The following MAGI2 variants were observed in gnomAD, a reference collection of about 807,000 sequenced individuals.
The protein encoded by MAGI2 is membrane associated guanylate kinase, WW and PDZ domain containing 2.
In MAGI2, 35 loss-of-function variants were observed where a neutral mutation model predicts 133.3. The ratio of observed to expected loss-of-function variants is 0.26; its 90% confidence interval spans 0.20 to 0.35. MAGI2 has a LOEUF of 0.35. MAGI2 is among the 10% of genes least tolerant of loss of function. The probability of loss-of-function intolerance (pLI) is 1.00; values close to 1 mark genes in which losing one functional copy is unlikely to be tolerated. For synonymous variants in MAGI2, 729 were observed against 710.6 expected (o/e 1.03, Z -0.41); for missense variants, 1,636 against 1,863.4 (o/e 0.88, Z 2.25).
At chr7:78,755,756 G>C (rs1823882594) in intron 2 of MAGI2, among the ~76,000 whole-genome samples, 1 of 152,136 alleles carries the variant, frequency 6.6e-6, no homozygotes, top group African/African-American at 2.4e-5. Context: ...TGTAAAATTT[G>C]GAAGTATAGC....
At chr7:78,450,069 T>G (rs910671111) in intron 6 of MAGI2, among the ~76,000 whole-genome samples, 1 of 152,098 alleles carries the variant, frequency 6.6e-6, no homozygotes, top group Non-Finnish European at 1.5e-5. Context: ...AATGGAATTT[T>G]TTTTTTAAAA....
At chr7:78,514,936 T>TAC (rs1245317825) in intron 4 of MAGI2, among the ~76,000 whole-genome samples, 1 of 152,216 alleles carries the variant, frequency 6.6e-6, no homozygotes, top group Non-Finnish European at 1.5e-5. Context: ...CAGCTCTGTG[T>TAC]ACACATACTG....
chr7:78,903,311 A>C (rs978369935), intron 2 of MAGI2, among the ~76,000 whole-genome samples: 4 of 149,282 alleles, frequency 2.7e-5, no homozygotes, highest in African/African-American at 9.9e-5. Flanking sequence ...CTCCTGCCTC[A>C]GCCTCCCAGG....
intron 1 of MAGI2, among the ~76,000 whole-genome samples, chr7:79,130,077 G>T (rs967436762): frequency 4.6e-5 from 7 of 150,724 alleles, no homozygotes; most frequent in Non-Finnish European, 8.8e-5. Flanking sequence ...AAGATGCGAG[G>T]ATCAGTTGAA....
At chr7:78,917,760 C>T (rs1798914256) in intron 2 of MAGI2, among the ~76,000 whole-genome samples, 1 of 152,074 alleles carries the variant, frequency 6.6e-6, no homozygotes, top group Non-Finnish European at 1.5e-5. Context: ...CTCACAACCT[C>T]CTCCTCAGAT....
In MAGI2 at chr7:78,071,259, G is replaced by A. The variant is rs113399195; in HGVS notation, c.3706+7688C>T. 1.5e-3 allele frequency among the ~76,000 whole-genome samples: 233 copies of A among 151,808 alleles called. 1 individual carries two copies. The highest frequency in any genetic ancestry group is 5.6e-3 in the African/African-American group (230 of 41,400). ...TGTTCTTTAAGAAAGCCCCTGGCTG[G>A]GCCTGGTGGCTCATGCCTGTAATCC... On this transcript the variant is annotated intron_variant, in intron 21 of 21. Coordinates refer to ENST00000354212, the MANE Select transcript of MAGI2 (RefSeq NM_012301.4).
intron 1 of MAGI2, among the ~76,000 whole-genome samples, chr7:79,261,215 A>G (rs991818911): frequency 6.6e-6 from 1 of 152,208 alleles, no homozygotes; most frequent in African/African-American, 2.4e-5. Context: ...CCCAATAGCT[A>G]TTAGACTCTC....
intron 2 of MAGI2, among the ~76,000 whole-genome samples, chr7:78,659,006 A>G (rs1423817691): frequency 6.6e-6 from 1 of 152,112 alleles, no homozygotes; most frequent in Non-Finnish European, 1.5e-5. Context: ...TCACACAAAA[A>G]CCTGCACATG....
In MAGI2 at chr7:78,766,727, G is replaced by A. The variant is rs144819587; in HGVS notation, c.419-139488C>T. ...CACTTTTTATATCATCACACTTATT[G>A]AATTTGATGTATTCTTAGTGTGCCT... On this transcript the variant is annotated intron_variant, in intron 2 of 21. Transcript: ENST00000354212. Among the ~76,000 whole-genome samples the A allele has an allele frequency of 3.5e-3, 527 of 152,280 alleles. 1 individual carries two copies. Among genetic ancestry groups the A allele is most frequent in the Middle Eastern group, 0.014 (4 of 294 alleles).
chr7:78,770,317 A>G (rs1024551945), intron 2 of MAGI2, among the ~76,000 whole-genome samples: 3 of 152,204 alleles, frequency 2.0e-5, no homozygotes, highest in African/African-American at 4.8e-5. Flanking sequence ...TTCGGCTCCA[A>G]TAGGAGGTAA....
intron 10 of MAGI2, among the ~76,000 whole-genome samples, chr7:78,248,188 G>T (rs925453512): frequency 3.9e-5 from 6 of 152,192 alleles, no homozygotes; most frequent in Non-Finnish European, 8.8e-5. Flanking sequence ...AGTGCTGAAA[G>T]TCTTTCCTGA....
chr7:78,260,556 T>G (rs1335870224), intron 9 of MAGI2, among the ~76,000 whole-genome samples: 1 of 152,166 alleles, frequency 6.6e-6, no homozygotes, highest in Non-Finnish European at 1.5e-5. Context: ...TTTTATCAAA[T>G]TTTTTCTCCA....
intron 9 of MAGI2, among the ~76,000 whole-genome samples, chr7:78,258,300 T>C (rs374792950): frequency 1.1e-4 from 16 of 152,348 alleles, no homozygotes; most frequent in African/African-American, 3.8e-4. Flanking sequence ...CGTTTTTAAT[T>C]GATTCCATTC....
intron 2 of MAGI2, among the ~76,000 whole-genome samples, chr7:78,733,134 G>T (rs978285781): frequency 1.3e-5 from 2 of 152,122 alleles, no homozygotes; most frequent in Non-Finnish European, 2.9e-5. Context: ...TACATGTGAG[G>T]TTCATGAGGA....
intron 3 of MAGI2, chr7:78,567,840 A>C (rs144253740): frequency 7.0e-4 from 106 of 152,328 alleles, no homozygotes; most frequent in African/African-American, 2.5e-3. Flanking sequence ...AAAACTCCCT[A>C]TGGGAAGTCC....
chr7:78,567,514 A>G (rs981310178), intron 3 of MAGI2, among the ~76,000 whole-genome samples: 13 of 152,310 alleles, frequency 8.5e-5, no homozygotes, highest in African/African-American at 2.9e-4. Flanking sequence ...ACTACCCAGT[A>G]GGATACATAG....
intron 2 of MAGI2, among the ~76,000 whole-genome samples, chr7:78,870,834 C>T (rs369043010): frequency 9.2e-5 from 14 of 152,004 alleles, no homozygotes; most frequent in African/African-American, 2.4e-4. Context: ...AAAGAAAATA[C>T]GGTATATATA....
intron 2 of MAGI2, among the ~76,000 whole-genome samples, chr7:78,866,008 A>T (rs1016485060): frequency 2.3e-4 from 35 of 152,186 alleles, no homozygotes; most frequent in African/African-American, 8.4e-4. Context: ...TGTTTCTTAG[A>T]AGAGAGAGAG....
Position 79,428,968 on chromosome 7 carries a change from T to G in MAGI2, c.301+24052A>C, listed in dbSNP as rs559558228. The stretch of plus-strand genomic sequence containing the variant: ...AACTCTTTTAAATATACCTTGATTA[T>G]CAAGTATAAAAACAATGATATAAGT... On this transcript the variant is annotated intron_variant, in intron 1 of 21. Coordinates refer to ENST00000354212, the MANE Select transcript of MAGI2 (RefSeq NM_012301.4). Among the ~76,000 whole-genome samples, 75 of 152,240 alleles carry G rather than the reference T, an allele frequency of 4.9e-4. 2 individuals are homozygous for G. In the South Asian group the frequency reaches 0.015, roughly 31 times the overall value.
Sources: gnomAD v4.1 joint callset for allele counts (sites outside exome capture counted in the v4.1 genomes callset) on GRCh38, gnomAD v4.1.1 for gene constraint, MANE v1.5 for transcripts, NCBI Gene and HGNC (gene_info 2026-07-23, HGNC 2026-07-21) for gene names.